The following SCN10A variants were observed in gnomAD, a reference collection of about 807,000 sequenced individuals.
SCN10A encodes sodium voltage-gated channel alpha subunit 10.
In SCN10A, 162 loss-of-function variants were observed where a neutral mutation model predicts 170.7. The observed-to-expected ratio is 0.95, with a 90% CI of 0.84 to 1.08. The LOEUF is 1.08. SCN10A is among the 50% of genes least tolerant of loss of function. The probability of loss-of-function intolerance (pLI) is 0.00; values close to 1 mark genes in which losing one functional copy is unlikely to be tolerated. For missense variants in SCN10A, 2,527 were observed against 2,436.9 expected, an observed-to-expected ratio of 1.04 and a Z score of -0.78; for synonymous variants, 985 against 904.6, an observed-to-expected ratio of 1.09 and a Z score of -1.59.
At chr3:38,772,503 C>T (rs1341388698) in intron 4 of SCN10A, among the ~76,000 whole-genome samples, 1 of 152,018 alleles carries the variant, frequency 6.6e-6, no homozygotes, top group Admixed American at 6.6e-5. Flanking sequence ...TCCTGGCTAA[C>T]GCGGTGAAAC....
At chr3:38,801,706 C>A (rs1470410356) in intron 1 of SCN10A, among the ~76,000 whole-genome samples, 1 of 152,144 alleles carries the variant, frequency 6.6e-6, no homozygotes, top group Non-Finnish European at 1.5e-5. Flanking sequence ...ACTAATGTAG[C>A]ATTTGACTCT....
At position 38,722,009 on chromosome 3, in the gene SCN10A, G is replaced by C. The variant is rs7617547; in HGVS notation, c.3507+249C>G. Reference sequence around the variant, plus strand: ...CAGTTTCCCCATCTATATAGTGGGAGGCATACACTCACTCACTCAAATGCT... The same window carrying C: ...CAGTTTCCCCATCTATATAGTGGGACGCATACACTCACTCACTCAAATGCT... On this transcript the variant is annotated intron_variant, in intron 20 of 27. Transcript: ENST00000449082. Among the ~76,000 whole-genome samples the C allele has an allele frequency of 0.46, 70,327 of 152,088 alleles. 18,864 individuals are homozygous for C. Among genetic ancestry groups the C allele is most frequent in the African/African-American group, 0.75 (30,897 of 41,454 alleles).
intron 13 of SCN10A, among the ~76,000 whole-genome samples, chr3:38,746,592 G>A (rs1180346060): frequency 6.6e-6 from 1 of 152,138 alleles, no homozygotes; most frequent in Admixed American, 6.5e-5. Flanking sequence ...CCTTAATGCA[G>A]TCTAGGAGTT....
At chr3:38,717,377 G>T (rs144919534) in intron 21 of SCN10A, among the ~76,000 whole-genome samples, 1 of 152,344 alleles carries the variant, frequency 6.6e-6, no homozygotes, top group Non-Finnish European at 1.5e-5. Flanking sequence ...GACCGTTTAA[G>T]GTGATTAGGA....
intron 5 of SCN10A, among the ~76,000 whole-genome samples, chr3:38,763,924 G>A (rs988196221): frequency 6.6e-6 from 1 of 152,136 alleles, no homozygotes; most frequent in African/African-American, 2.4e-5. Context: ...TACAAGGCTG[G>A]GCCTTTTCTG....
intron 14 of SCN10A, among the ~76,000 whole-genome samples, chr3:38,741,291 C>G (rs1417195417): frequency 1.0e-5 from 1 of 97,426 alleles, no homozygotes; most frequent in Non-Finnish European, 1.9e-5. Context: ...TGTGTTTGAA[C>G]ACACACACAC....
At chr3:38,765,248 G>A (rs7641702) in intron 5 of SCN10A, among the ~76,000 whole-genome samples, 13,932 of 151,980 alleles carry the variant, frequency 0.092, 941 homozygotes, top group African/African-American at 0.19. Context: ...TGTTTTTGTT[G>A]GATTTGCTTT....
chr3:38,715,454 A>G (rs1575943988), intron 21 of SCN10A, among the ~76,000 whole-genome samples: 1 of 151,276 alleles, frequency 6.6e-6, no homozygotes, highest in South Asian at 2.1e-4. Flanking sequence ...CTCAGGATAA[A>G]CTCCATACTC....
At chr3:38,716,730 G>A (rs924184636) in intron 21 of SCN10A, among the ~76,000 whole-genome samples, 13 of 152,228 alleles carry the variant, frequency 8.5e-5, no homozygotes, top group African/African-American at 3.1e-4. Context: ...TATGAAAGCA[G>A]GGAATAGTGA....
intron 20 of SCN10A, among the ~76,000 whole-genome samples, chr3:38,719,659 C>T (rs1226833327): frequency 2.0e-5 from 3 of 152,236 alleles, no homozygotes; most frequent in Non-Finnish European, 2.9e-5. Context: ...TCCCAAAGTG[C>T]TGGGATTACA....
chr3:38,769,963 C>A (rs1423890836), intron 5 of SCN10A, among the ~76,000 whole-genome samples: 2 of 152,126 alleles, frequency 1.3e-5, no homozygotes, highest in African/African-American at 4.8e-5. Flanking sequence ...GTGAAGGTGG[C>A]AGAGGAATGA....
intron 4 of SCN10A, 59 bp downstream of exon 4, chr3:38,788,897 G>A (rs2064243227): frequency 3.9e-6 from 4 of 1,030,482 alleles, no homozygotes; most frequent in Admixed American, 3.4e-5. Flanking sequence ...AGACTGCCAA[G>A]TGAAGGAAGA....
intron 4 of SCN10A, among the ~76,000 whole-genome samples, chr3:38,786,333 A>G (rs1298027580): frequency 6.6e-6 from 1 of 152,178 alleles, no homozygotes; most frequent in Non-Finnish European, 1.5e-5. Context: ...TTGCAGGGAC[A>G]TGGATGAAGC....
At chr3:38,735,570 C>T (rs1211051830) in intron 15 of SCN10A, among the ~76,000 whole-genome samples, 1 of 152,240 alleles carries the variant, frequency 6.6e-6, no homozygotes, top group Non-Finnish European at 1.5e-5. Flanking sequence ...GGGTATGTAA[C>T]TTGGCAAGAT....
intron 1 of SCN10A, among the ~76,000 whole-genome samples, chr3:38,806,825 A>G (rs1156305269): frequency 6.6e-6 from 1 of 152,158 alleles, no homozygotes; most frequent in Admixed American, 6.6e-5. Flanking sequence ...ATTAAATTAA[A>G]TTAAATATAA....
chr3:38,748,890 A>G (rs1000172071), intron 13 of SCN10A, among the ~76,000 whole-genome samples: 1 of 152,180 alleles, frequency 6.6e-6, no homozygotes, highest in African/African-American at 2.4e-5. Flanking sequence ...ACCCCAAGAT[A>G]CCTGACTATT....
At chr3:38,698,991 C>A (rs1252266220) in intron 27 of SCN10A, among the ~76,000 whole-genome samples, 2 of 152,138 alleles carry the variant, frequency 1.3e-5, no homozygotes, top group Non-Finnish European at 2.9e-5. Context: ...CCACCCTGGT[C>A]CTGTGCTCTG....
At chr3:38,800,807 T>C (rs2064366519) in intron 1 of SCN10A, among the ~76,000 whole-genome samples, 1 of 152,150 alleles carries the variant, frequency 6.6e-6, no homozygotes, top group Admixed American at 6.5e-5. Flanking sequence ...TACCCTGTTT[T>C]TGAGATTTCT....
chr3:38,792,430 G>A (rs990863908), intron 2 of SCN10A, among the ~76,000 whole-genome samples: 6 of 152,164 alleles, frequency 3.9e-5, no homozygotes, highest in African/African-American at 1.4e-4. Flanking sequence ...TACTTTAATG[G>A]ACAGACAGCC....
Sources: gnomAD v4.1 joint callset for allele counts (sites outside exome capture counted in the v4.1 genomes callset) on GRCh38, gnomAD v4.1.1 for gene constraint, MANE v1.5 for transcripts, NCBI Gene and HGNC (gene_info 2026-07-23, HGNC 2026-07-21) for gene names.